Variants in TENM1 observed in about 807,000 individuals in gnomAD.
TENM1 encodes the protein teneurin transmembrane protein 1, also known as teneurin-1.
A neutral mutation model predicts 174.8 loss-of-function variants in TENM1; 35 were observed. That is an observed-to-expected ratio of 0.20 (90% CI 0.15 to 0.27). The LOEUF is 0.27. Among genes scored for constraint, TENM1 ranks in the 10% least tolerant of loss-of-function variants. TENM1 has a pLI of 1.00. For synonymous variants in TENM1, 781 were observed against 798.7 expected, an observed-to-expected ratio of 0.98 and a Z score of 0.37; for missense variants, 1,633 against 2,130.1, an observed-to-expected ratio of 0.77 and a Z score of 4.59.
At chrX:124,762,135 G>A (rs762813986) in intron 3 of TENM1, among the ~76,000 whole-genome samples, 14 of 111,791 alleles carry the variant, frequency 1.3e-4, no homozygotes, top group Non-Finnish European at 2.6e-4. Flanking sequence ...GTTCTCACAT[G>A]GTGGGGAGAA....
At position 124,477,350 on chromosome X, in the gene TENM1, G is replaced by A. The variant is rs775057229; in HGVS notation, c.3949+4382C>T. ...TGAGAAATGGTTTTAATAGGAAAAG[G>A]AAACTAGACTAAAAGTTATTTATCT... On this transcript the variant is annotated intron_variant, in intron 22 of 31. Coordinates refer to ENST00000422452, the Ensembl canonical transcript of TENM1. Among the ~76,000 whole-genome samples, 3 of 112,308 alleles carry A rather than the reference G, an allele frequency of 2.7e-5. No individual in the cohort carries two copies. In the East Asian group the frequency reaches 8.4e-4, roughly 32 times the overall value.
At chrX:125,095,188 G>T in the TENM1 span, among the ~76,000 whole-genome samples, 1 of 111,641 alleles carries the variant, frequency 9.0e-6, no homozygotes, top group Admixed American at 9.5e-5. Flanking sequence ...ACACTCCTTT[G>T]TAAGTTGACC....
In TENM1 at chrX:124,404,767, T is replaced by C. The variant is rs1403788268; in HGVS notation, c.5391+264A>G. ...TCCAGCCAGACTTTCTTGGTGAAATTGCTACTATTAGAGCACTTTAGCTGG... is the reference window on the plus strand; with the variant it reads ...TCCAGCCAGACTTTCTTGGTGAAATCGCTACTATTAGAGCACTTTAGCTGG... On this transcript the variant is annotated intron_variant, in intron 27 of 31. Transcript: ENST00000422452. Among the ~76,000 whole-genome samples, 3 of 111,206 alleles carry C rather than the reference T, an allele frequency of 2.7e-5. No individual in the cohort carries two copies. The East Asian group carries it at 8.5e-4, about 31-fold the overall frequency.
chrX:124,734,066 A>T (rs935220916), intron 4 of TENM1, among the ~76,000 whole-genome samples: 4 of 111,927 alleles, frequency 3.6e-5, no homozygotes, highest in African/African-American at 1.3e-4. Context: ...CACTGTTTGA[A>T]AACTCCTTGA....
At chrX:124,574,445 G>T (rs1004517600) in intron 11 of TENM1, among the ~76,000 whole-genome samples, 2 of 111,243 alleles carry the variant, frequency 1.8e-5, no homozygotes, top group Non-Finnish European at 3.8e-5. Context: ...AAAATTTCAA[G>T]ATTAAAATAT....
Position 124,848,041 on chromosome X carries a change from A to C in TENM1, c.535+46255T>G, listed in dbSNP as rs139493169. On this transcript the variant is annotated intron_variant, in intron 3 of 31. Transcript: ENST00000422452. ...TCATGTAATCACAGGTGCTTTGGAAATGGCTTTGAAGAAGGACTCTTAGAG... is the reference window on the plus strand; with the variant it reads ...TCATGTAATCACAGGTGCTTTGGAACTGGCTTTGAAGAAGGACTCTTAGAG... 1.6e-3 allele frequency among the ~76,000 whole-genome samples: 179 copies of C among 110,940 alleles called. 1 individual carries two copies. Among genetic ancestry groups the C allele is most frequent in the African/African-American group, 5.6e-3 (172 of 30,597 alleles).
chrX:124,927,396 C>T (rs1425305301), intron 1 of TENM1, among the ~76,000 whole-genome samples: 2 of 111,493 alleles, frequency 1.8e-5, no homozygotes, highest in Admixed American at 1.9e-4. Flanking sequence ...AATCCTGCTA[C>T]CTCTTATACT....
the TENM1 span, among the ~76,000 whole-genome samples, chrX:125,155,065 A>G: frequency 9.0e-6 from 1 of 111,632 alleles, no homozygotes; most frequent in South Asian, 3.8e-4. Flanking sequence ...GGCCCCACCC[A>G]CATCCTGCTG....
chrX:125,136,054 T>C, the TENM1 span, among the ~76,000 whole-genome samples: 1 of 111,993 alleles, frequency 8.9e-6, no homozygotes, highest in Non-Finnish European at 1.9e-5. Context: ...CATTTATTAT[T>C]TTTTTCTAAT....
intron 11 of TENM1, among the ~76,000 whole-genome samples, chrX:124,621,962 G>T (rs1029316197): frequency 8.9e-6 from 1 of 112,132 alleles, no homozygotes; most frequent in Non-Finnish European, 1.9e-5. Flanking sequence ...GTTTATTTGT[G>T]TTGTAATTTG....
the TENM1 span, among the ~76,000 whole-genome samples, chrX:125,004,662 C>T: frequency 8.1e-5 from 9 of 111,507 alleles, no homozygotes; most frequent in African/African-American, 2.9e-4. Flanking sequence ...ACACATATAC[C>T]TATCAACTAT....
intron 3 of TENM1, among the ~76,000 whole-genome samples, chrX:124,795,503 A>G (rs2055283468): frequency 8.9e-6 from 1 of 112,033 alleles, no homozygotes; most frequent in East Asian, 2.8e-4. Context: ...ACTATCTTGC[A>G]AAGAGAGCTA....
the TENM1 span, among the ~76,000 whole-genome samples, chrX:125,156,059 A>T: frequency 8.9e-6 from 1 of 112,050 alleles, no homozygotes; most frequent in Admixed American, 9.3e-5. Context: ...AAAAGTAGGA[A>T]ATTAGTAGTT....
intron 4 of TENM1, among the ~76,000 whole-genome samples, chrX:124,717,200 T>C (rs1477753875): frequency 9.0e-6 from 1 of 111,212 alleles, no homozygotes; most frequent in African/African-American, 3.3e-5. Context: ...AACACATTCA[T>C]TCCATGGAAT....
At chrX:124,716,044 T>C (rs1201807570) in intron 4 of TENM1, among the ~76,000 whole-genome samples, 1 of 112,266 alleles carries the variant, frequency 8.9e-6, no homozygotes, top group African/African-American at 3.2e-5. Context: ...CATTTGGCTT[T>C]TATCAGCTTT....
rs1000091529 is a variant in TENM1, at chrX:124,408,563, T to A, written c.4983-2074A>T. On this transcript the variant is annotated intron_variant, in intron 25 of 31. Coordinates refer to ENST00000422452, the Ensembl canonical transcript of TENM1. ...ACTGTGGCCCCAACAACCTGGATTA[T>A]GCAGGCACTTCCTCTCTGTTCCACA... Among the ~76,000 whole-genome samples the A allele has an allele frequency of 3.6e-5, 4 of 111,927 alleles. No homozygotes were observed. In the Admixed American group the frequency reaches 3.8e-4, roughly 11 times the overall value.
At chrX:124,975,963 T>A in the TENM1 span, among the ~76,000 whole-genome samples, 1 of 110,970 alleles carries the variant, frequency 9.0e-6, no homozygotes, top group Admixed American at 9.7e-5. Context: ...ATACCTACTA[T>A]CATTATTTTT....
chrX:124,718,830 GT>G (rs1278722925), intron 4 of TENM1, among the ~76,000 whole-genome samples: 1 of 112,052 alleles, frequency 8.9e-6, no homozygotes, highest in East Asian at 2.8e-4. Flanking sequence ...GGAAAAGAAT[GT>G]TTCTCAAACT....
rs962743379 is a variant in TENM1, at chrX:124,947,775, T to G, written c.217+15762A>C. 1.3e-4 allele frequency among the ~76,000 whole-genome samples: 15 copies of G among 111,920 alleles called. No homozygotes were observed. In the Admixed American group the frequency reaches 1.4e-3, roughly 11 times the overall value. ...GTTTCAGCTGTTCAGAAGTCACCTA[T>G]GAAGTTAAGCCTCTTATGTGGATTA... On this transcript the variant is annotated intron_variant, in intron 1 of 31. Transcript: ENST00000422452.
Sources: gnomAD v4.1 joint callset for allele counts (sites outside exome capture counted in the v4.1 genomes callset) on GRCh38, gnomAD v4.1.1 for gene constraint, MANE v1.5 for transcripts, NCBI Gene and HGNC (gene_info 2026-07-23, HGNC 2026-07-21) for gene names.